The following ZNF431 variants were observed in gnomAD, a reference collection of about 807,000 sequenced individuals.
ZNF431 encodes the protein zinc finger protein 431.
In ZNF431, 34 loss-of-function variants were observed where a neutral mutation model predicts 57.0. That is an observed-to-expected ratio of 0.60 (90% CI 0.45 to 0.79). The LOEUF is 0.79. ZNF431 is among the 30% of genes least tolerant of loss of function. ZNF431 has a pLI of 0.00. For missense variants in ZNF431, 607 were observed against 667.1 expected (o/e 0.91, Z 0.99); for synonymous variants, 207 against 220.3 (o/e 0.94, Z 0.54).
intron 2 of ZNF431, among the ~76,000 whole-genome samples, chr19:21,165,032 C>T (rs1361764177): frequency 6.6e-6 from 1 of 150,706 alleles, no homozygotes; most frequent in Non-Finnish European, 1.5e-5. Flanking sequence ...TCACTTGAAC[C>T]TGGGAGACGG....
intron 2 of ZNF431, among the ~76,000 whole-genome samples, chr19:21,163,800 G>T (rs186615951): frequency 6.6e-6 from 1 of 152,096 alleles, no homozygotes; most frequent in Non-Finnish European, 1.5e-5. Flanking sequence ...GATTACAGGC[G>T]TGAGTCACTG....
chr19:21,155,893 A>G (rs1251219222), intron 2 of ZNF431, among the ~76,000 whole-genome samples: 1 of 152,164 alleles, frequency 6.6e-6, no homozygotes, highest in African/African-American at 2.4e-5. Flanking sequence ...TCTCCTGCAC[A>G]CAGGCTTTCA....
At chr19:21,149,876 A>G (rs760047516) in intron 2 of ZNF431, 21 of 641,776 alleles carry the variant, frequency 3.3e-5, no homozygotes, top group Admixed American at 1.8e-4. Context: ...TAGACGTCCT[A>G]GTCTTACCTT....
At chr19:21,146,431 GAAGA>G (rs1409781783) in intron 2 of ZNF431, among the ~76,000 whole-genome samples, 5 of 146,690 alleles carry the variant, frequency 3.4e-5, no homozygotes, top group South Asian at 4.3e-4. Context: ...AAAAAAAGAA[GAAGA>G]AAGAAAGTAA....
intron 4 of ZNF431, among the ~76,000 whole-genome samples, chr19:21,170,416 ACTTTCGATTT>A (rs1970850348): frequency 6.6e-6 from 1 of 151,430 alleles, no homozygotes. Flanking sequence ...ATACATTTTT[ACTTTCGATTT>A]TCCATTTCAA....
chr19:21,186,990 TG>T lies in ZNF431; in HGVS notation c.*2957del, dbSNP rs1329927124. On this transcript the variant is annotated 3_prime_UTR_variant, in exon 5 of 5. Coordinates refer to ENST00000311048, the MANE Select transcript of ZNF431 (RefSeq NM_133473.4). ...AGGGAGGCTTCATTAGTCATGAGGA[TG>T]TTTTTATATATAAATGTAGCAAACA... The T allele has an allele frequency of 1.3e-5, 2 of 152,186 alleles. No individual in the cohort carries two copies. The highest frequency in any genetic ancestry group is 4.8e-5 in the African/African-American group (2 of 41,458). The allele number at this position is 152,186 out of a possible 1,614,324, so 9.4% of individuals were successfully genotyped here. A position where few individuals can be genotyped will look rare whatever the true frequency, so the allele number is the denominator to read the frequency against.
At chr19:21,182,555 T>C (rs1159184700) in intron 4 of ZNF431, 68 bp from the exon 5 acceptor site, 6 of 1,474,102 alleles carry the variant, frequency 4.1e-6, no homozygotes, top group Non-Finnish European at 5.4e-6. Context: ...ATAATGTAGG[T>C]TAGATTTGTA....
chr19:21,170,057 A>G (rs528449295), intron 4 of ZNF431, among the ~76,000 whole-genome samples: 1 of 151,974 alleles, frequency 6.6e-6, no homozygotes, highest in Non-Finnish European at 1.5e-5. Context: ...GCCAAAACCA[A>G]GGGTCCTGTA....
rs1971557436 is a variant in ZNF431 at position 21,193,975 on chromosome 19, C to A, written c.*9941C>A. On this transcript the variant is annotated 3_prime_UTR_variant, in exon 5 of 5. Transcript: ENST00000311048. ...CTCATTAGAAAAAAAATAAGACTAT[C>A]TAAACAATTCTATTTAACATAGTTC... 6.6e-6 allele frequency: 1 copy of A among 151,824 alleles called. No homozygotes were observed. The highest frequency in any genetic ancestry group is 2.4e-5 in the African/African-American group (1 of 41,324). 9.4% of individuals were successfully genotyped at this position (151,824 alleles called of 1,614,324 possible). A position where few individuals can be genotyped will look rare whatever the true frequency, so the allele number is the denominator to read the frequency against.
intron 2 of ZNF431, among the ~76,000 whole-genome samples, chr19:21,147,862 T>C (rs1970146041): frequency 1.3e-5 from 2 of 152,190 alleles, no homozygotes; most frequent in Admixed American, 1.3e-4. Context: ...TACACAAATA[T>C]AGTCCAAAAA....
chr19:21,182,797 A>G lies in ZNF431; in HGVS notation c.494A>G (p.Asn165Ser). 1 of 1,613,986 alleles carries G rather than the reference A, an allele frequency of 6.2e-7. No homozygotes were observed. The highest frequency in any genetic ancestry group is 8.5e-7 in the Non-Finnish European group (1 of 1,179,912). The change falls in exon 5 of 5, where the codon AAC becomes AGC. Residue 165 changes from asparagine to serine, a missense_variant. Transcript: ENST00000311048. ...CACAAAGAAGGTTATAATGAGCTAA[A>G]CCAGTGTTTGACAACTACCCAGAGC... The part of the protein sequence containing the change: ...KVHKEGYNEL[N>S]QCLTTTQSKI...
chr19:21,186,490 T>C lies in ZNF431; in HGVS notation c.*2456T>C, dbSNP rs532003646. ...TGTACATATTTTCAGAAGGAAAGAA[T>C]GATACGGGAACAAAAATCATTTTAA... On this transcript the variant is annotated 3_prime_UTR_variant, in exon 5 of 5. Transcript: ENST00000311048. The C allele has an allele frequency of 8.5e-5, 13 of 152,142 alleles. No homozygotes were observed. The South Asian group carries it at 2.7e-3, about 32-fold the overall frequency. 9.4% of individuals were successfully genotyped at this position (152,142 alleles called of 1,614,324 possible). A position where few individuals can be genotyped will look rare whatever the true frequency, so the allele number is the denominator to read the frequency against.
At position 21,192,973 on chromosome 19, in the gene ZNF431, AAT is replaced by A. The variant is rs1429578562; in HGVS notation, c.*8941_*8942del. ...CAAAATAGAAAATTTGGAGAAAATA[AAT>A]AAACTCCTGGAAACATACAACTTTC... is the stretch of plus-strand genomic sequence containing the variant. On this transcript the variant is annotated 3_prime_UTR_variant, in exon 5 of 5. Transcript: ENST00000311048. 2 of 152,226 alleles carry A rather than the reference AAT, an allele frequency of 1.3e-5. No homozygotes were observed. Among genetic ancestry groups the A allele is most frequent in the African/African-American group, 4.8e-5 (2 of 41,464 alleles). 9.4% of individuals were successfully genotyped at this position (152,226 alleles called of 1,614,324 possible).
chr19:21,190,542 T>C lies in ZNF431; in HGVS notation c.*6508T>C, dbSNP rs181559074. Reference sequence around the variant, plus strand: ...TTATTCTAACAGGAATGAGTTGATATAGGGATTTTTTTTTTGGCTTGTCTT... The same window carrying C: ...TTATTCTAACAGGAATGAGTTGATACAGGGATTTTTTTTTTGGCTTGTCTT... On this transcript the variant is annotated 3_prime_UTR_variant, in exon 5 of 5. Coordinates refer to ENST00000311048, the MANE Select transcript of ZNF431 (RefSeq NM_133473.4). 4 of 152,116 alleles carry C rather than the reference T, an allele frequency of 2.6e-5. No homozygotes were observed. The highest frequency in any genetic ancestry group is 4.4e-5 in the Non-Finnish European group (3 of 68,026). 9.4% of individuals were successfully genotyped at this position (152,116 alleles called of 1,614,324 possible).
rs991621830 is a variant in ZNF431, at chr19:21,190,090, A to T, written c.*6056A>T. ...AGGCTGAGGCATGAGAATCCCTTGAACCACAGATGCAGAGGTTGCAGTGAA... is the reference window on the plus strand; with the variant it reads ...AGGCTGAGGCATGAGAATCCCTTGATCCACAGATGCAGAGGTTGCAGTGAA... On this transcript the variant is annotated 3_prime_UTR_variant, in exon 5 of 5. Transcript: ENST00000311048. 2.6e-6 allele frequency: 1 copy of T among 380,260 alleles called. No individual in the cohort carries two copies. Among genetic ancestry groups the T allele is most frequent in the African/African-American group, 2.1e-5 (1 of 48,212 alleles). The allele number at this position is 380,260 out of a possible 1,614,324, so 23.6% of individuals were successfully genotyped here.
chr19:21,157,847 A>AT (rs1970461410), intron 2 of ZNF431, among the ~76,000 whole-genome samples: 1 of 144,326 alleles, frequency 6.9e-6, no homozygotes, highest in South Asian at 2.2e-4. Context: ...CTTTTTAATG[A>AT]ATTTTTTTTT....
intron 4 of ZNF431, among the ~76,000 whole-genome samples, chr19:21,170,205 A>C (rs1377325191): frequency 6.6e-6 from 1 of 152,192 alleles, no homozygotes; most frequent in African/African-American, 2.4e-5. Context: ...CTTGTTTATC[A>C]TCTGGTCTGG....
chr19:21,155,281 G>C (rs1302413588), intron 2 of ZNF431, among the ~76,000 whole-genome samples: 5 of 152,138 alleles, frequency 3.3e-5, no homozygotes, highest in East Asian at 3.9e-4. Flanking sequence ...ATAGGGAATC[G>C]TTTCCCCATT....
intron 4 of ZNF431, among the ~76,000 whole-genome samples, chr19:21,167,948 A>G (rs1970771112): frequency 6.6e-6 from 1 of 152,170 alleles, no homozygotes; most frequent in African/African-American, 2.4e-5. Context: ...CTGTCATGGC[A>G]TATAATCTGA....
Sources: gnomAD v4.1 joint callset for allele counts (sites outside exome capture counted in the v4.1 genomes callset) on GRCh38, gnomAD v4.1.1 for gene constraint, MANE v1.5 for transcripts, NCBI Gene and HGNC (gene_info 2026-07-23, HGNC 2026-07-21) for gene names.